VPS9D1: variants seen among roughly 807,000 people sequenced by gnomAD.
The protein encoded by VPS9D1 is VPS9 domain-containing protein 1.
In VPS9D1, 78 loss-of-function variants were observed where a neutral mutation model predicts 75.8. The observed-to-expected ratio is 1.03, with a 90% confidence interval of 0.86 to 1.24. The LOEUF (loss-of-function observed/expected upper bound fraction) is 1.24. VPS9D1 is among the 50% of genes most tolerant of loss of function. VPS9D1 has a pLI of 0.00. For synonymous variants in VPS9D1, 481 were observed against 385.6 expected, an observed-to-expected ratio of 1.25 and a Z score of -2.90; for missense variants, 1,057 against 847.7, an observed-to-expected ratio of 1.25 and a Z score of -3.07.
chr16:89,709,505 C>T (rs2060867395), intron 11 of VPS9D1, 70 bp from the exon 12 acceptor site: 3 of 1,444,302 alleles, frequency 2.1e-6, no homozygotes, highest in African/African-American at 2.8e-5. Flanking sequence ...AGGGCTGTGG[C>T]TGGAGCTCAG....
chr16:89,716,947 G>C, intron 2 of VPS9D1, 125 bp from the exon 3 acceptor site: 1 of 738,996 alleles, frequency 1.4e-6, no homozygotes, highest in Non-Finnish European at 1.9e-6. Flanking sequence ...CACTGACCCC[G>C]GGCAAGCCCA....
chr16:89,710,224 A>C (rs1443126501), intron 10 of VPS9D1, among the ~76,000 whole-genome samples: 1 of 152,194 alleles, frequency 6.6e-6, no homozygotes, highest in Non-Finnish European at 1.5e-5. Flanking sequence ...ACCCTGACCA[A>C]GTTCCTTAGT....
intron 10 of VPS9D1, 130 bp from the exon 11 acceptor site, chr16:89,710,036 C>G (rs1408138945): frequency 6.0e-5 from 79 of 1,316,264 alleles, no homozygotes; most frequent in Non-Finnish European, 7.8e-5. Flanking sequence ...GCACCCACCC[C>G]TGACCCTCCT....
chr16:89,708,910 G>A lies in VPS9D1; in HGVS notation c.1644C>T (p.Pro548=), dbSNP rs764688767. ...CGGCCTGGGGTGTGGCCTCTGGGGT[G>A]GGGCAGTAGTCTTCCGCACAGACAC... ...IICVCAEDYC[P]TPEATPQAGP... The change falls in exon 13 of 15, where the codon CCC becomes CCT. Residue 548 remains proline, a synonymous_variant. Transcript: ENST00000389386. 15 of 1,598,946 alleles carry A rather than the reference G, an allele frequency of 9.4e-6. No homozygotes were observed. Among genetic ancestry groups the A allele is most frequent in the African/African-American group, 1.3e-5 (1 of 74,246 alleles).
intron 10 of VPS9D1, 67 bp downstream of exon 10, chr16:89,710,519 C>A: frequency 6.6e-7 from 1 of 1,504,114 alleles, no homozygotes. Context: ...CAAACAGAAG[C>A]TTGAAACGGA....
chr16:89,712,845 C>T, intron 4 of VPS9D1, 129 bp from the exon 5 acceptor site: 1 of 775,024 alleles, frequency 1.3e-6, no homozygotes, highest in South Asian at 2.1e-5. Flanking sequence ...GGGGAGCCAT[C>T]TGGGGTGGGC....
intron 1 of VPS9D1, chr16:89,720,379 G>A (rs2151648949): frequency 2.0e-6 from 2 of 987,626 alleles, no homozygotes; most frequent in South Asian, 4.7e-5. Flanking sequence ...TCTGCATGCC[G>A]TCCCCTGTGG....
chr16:89,709,564 C>G, intron 11 of VPS9D1, 129 bp from the exon 12 acceptor site: 1 of 1,288,006 alleles, frequency 7.8e-7, no homozygotes, highest in Non-Finnish European at 1.0e-6. Context: ...CCCAGCGTTG[C>G]CAAGACCCCA....
chr16:89,715,478 G>A (rs1314697900), intron 4 of VPS9D1, among the ~76,000 whole-genome samples: 2 of 151,432 alleles, frequency 1.3e-5, no homozygotes, highest in Non-Finnish European at 2.9e-5. Context: ...CACCCACCTC[G>A]GCCTCCCAAA....
intron 4 of VPS9D1, chr16:89,712,926 C>G (rs1259273485): frequency 6.3e-6 from 3 of 472,582 alleles, no homozygotes; most frequent in African/African-American, 4.0e-5. Context: ...GCTCCCGCCT[C>G]TAATGCCAGC....
chr16:89,708,737 C>T (rs1365501741), intron 13 of VPS9D1, 120 bp downstream of exon 13: 2 of 1,219,104 alleles, frequency 1.6e-6, no homozygotes, highest in Non-Finnish European at 2.2e-6. Context: ...CACGGCCCTC[C>T]TGCTTCTACA....
chr16:89,711,502 T>C (rs2060919651), intron 8 of VPS9D1, 90 bp from the exon 9 acceptor site: 2 of 1,284,870 alleles, frequency 1.6e-6, no homozygotes, highest in Middle Eastern at 2.0e-4. Flanking sequence ...CCCTAGAGAC[T>C]GTGGGAGCCC....
At chr16:89,718,528 C>T (rs1442551284) in intron 2 of VPS9D1, among the ~76,000 whole-genome samples, 1 of 152,118 alleles carries the variant, frequency 6.6e-6, no homozygotes, top group Non-Finnish European at 1.5e-5. Context: ...TCTTCTTATC[C>T]ACAACGCTGG....
chr16:89,709,506 T>C, intron 11 of VPS9D1, 71 bp from the exon 12 acceptor site: 1 of 1,439,290 alleles, frequency 6.9e-7, no homozygotes, highest in Non-Finnish European at 9.1e-7. Context: ...GGGCTGTGGC[T>C]GGAGCTCAGT....
At chr16:89,711,143 C>G in intron 9 of VPS9D1, 133 bp from the exon 10 acceptor site, 1 of 1,215,932 alleles carries the variant, frequency 8.2e-7, no homozygotes, top group Non-Finnish European at 1.1e-6. Flanking sequence ...AAGTCTGCCC[C>G]CCGCCCCCGC....
intron 4 of VPS9D1, among the ~76,000 whole-genome samples, chr16:89,715,466 T>G (rs1043254528): frequency 6.6e-6 from 1 of 151,840 alleles, no homozygotes; most frequent in Non-Finnish European, 1.5e-5. Context: ...GACCTCATGA[T>G]CCACCCACCT....
At chr16:89,708,387 C>G in intron 14 of VPS9D1, 40 bp downstream of exon 14, 1 of 1,569,528 alleles carries the variant, frequency 6.4e-7, no homozygotes, top group Non-Finnish European at 8.7e-7. Flanking sequence ...GGTCCCTGCT[C>G]TTCGCACAGA....
chr16:89,710,181 G>A (rs565428683), intron 10 of VPS9D1, among the ~76,000 whole-genome samples: 14 of 152,322 alleles, frequency 9.2e-5, no homozygotes, highest in South Asian at 2.1e-4. Flanking sequence ...AGGAACCAGG[G>A]AAGACTTTAG....
intron 13 of VPS9D1, 90 bp from the exon 14 acceptor site, chr16:89,708,621 G>T (rs1200384436): frequency 5.8e-6 from 8 of 1,386,824 alleles, no homozygotes; most frequent in Non-Finnish European, 7.0e-6. Context: ...GGCCGTGCTG[G>T]CCGCCATCTC....
Sources: allele counts gnomAD v4.1 joint callset (sites outside exome capture counted in the v4.1 genomes callset), GRCh38; gene constraint gnomAD v4.1.1; transcripts MANE v1.5; gene names NCBI Gene and HGNC (gene_info 2026-07-23, HGNC 2026-07-21).